Variants in RSPO3 observed in about 807,000 individuals in gnomAD.
RSPO3 encodes the protein R-spondin-3.
Under a neutral mutation model 36.5 loss-of-function variants are expected in RSPO3, and 17 were observed. The ratio of observed to expected loss-of-function variants is 0.47; its 90% CI spans 0.32 to 0.70. The LOEUF (loss-of-function observed/expected upper bound fraction) is 0.70. RSPO3 is among the 30% of genes least tolerant of loss of function. RSPO3 has a pLI of 0.04. For synonymous variants in RSPO3, 108 were observed against 107.0 expected, an observed-to-expected ratio of 1.01 and a Z score of -0.06; for missense variants, 294 against 322.5, an observed-to-expected ratio of 0.91 and a Z score of 0.68.
At chr6:127,187,124 G>A (rs1374884357) in intron 4 of RSPO3, among the ~76,000 whole-genome samples, 1 of 152,142 alleles carries the variant, frequency 6.6e-6, no homozygotes, top group Non-Finnish European at 1.5e-5. Flanking sequence ...TGGTGAGATG[G>A]GGACAGGGTA....
chr6:127,181,866 AT>A (rs1197024949), intron 4 of RSPO3, among the ~76,000 whole-genome samples: 2 of 151,860 alleles, frequency 1.3e-5, no homozygotes, highest in African/African-American at 4.8e-5. Context: ...GTCTCAGTAC[AT>A]TTTTGTATTG....
chr6:127,180,585 A>T (rs1022889442), intron 4 of RSPO3, among the ~76,000 whole-genome samples: 1 of 150,202 alleles, frequency 6.7e-6, no homozygotes. Context: ...AATGAGGATA[A>T]AGAAGGAATG....
At chr6:127,164,171 T>C (rs1317202773) in intron 4 of RSPO3, among the ~76,000 whole-genome samples, 1 of 152,062 alleles carries the variant, frequency 6.6e-6, no homozygotes, top group Non-Finnish European at 1.5e-5. Flanking sequence ...CTACTTTGAA[T>C]CACTGTGGCA....
At chr6:127,173,891 A>C (rs1398596637) in intron 4 of RSPO3, among the ~76,000 whole-genome samples, 4 of 151,944 alleles carry the variant, frequency 2.6e-5, no homozygotes, top group African/African-American at 7.2e-5. Flanking sequence ...TTGTAGTTTA[A>C]CTTTGGAAGC....
intron 4 of RSPO3, among the ~76,000 whole-genome samples, chr6:127,183,424 C>T (rs1463653073): frequency 1.3e-5 from 2 of 151,898 alleles, no homozygotes; most frequent in Non-Finnish European, 2.9e-5. Context: ...AGCTAACTGG[C>T]TGAGTACTCT....
At chr6:127,144,643 G>GTTTTTTCTTTTTTTT (rs1774344031) in intron 1 of RSPO3, among the ~76,000 whole-genome samples, 1 of 99,130 alleles carries the variant, frequency 1.0e-5, no homozygotes, top group Non-Finnish European at 2.0e-5. Flanking sequence ...GCTTCCCCTT[G>GTTTTTTCTTTTTTTT]TTTTTTTTTT....
intron 1 of RSPO3, among the ~76,000 whole-genome samples, chr6:127,129,171 A>T (rs1774000488): frequency 6.6e-6 from 1 of 152,084 alleles, no homozygotes; most frequent in Non-Finnish European, 1.5e-5. Context: ...ACGACTATAA[A>T]TAGCACAGTT....
chr6:127,158,001 C>T (rs1774627865), intron 4 of RSPO3, among the ~76,000 whole-genome samples: 1 of 150,746 alleles, frequency 6.6e-6, no homozygotes, highest in Non-Finnish European at 1.5e-5. Context: ...TTCATTTAGG[C>T]TCTACTGTAT....
At chr6:127,179,915 T>A (rs1188242697) in intron 4 of RSPO3, among the ~76,000 whole-genome samples, 1 of 151,884 alleles carries the variant, frequency 6.6e-6, no homozygotes, top group Non-Finnish European at 1.5e-5. Flanking sequence ...TTTCCACTTT[T>A]AAGGACTCAT....
chr6:127,131,537 T>A (rs1025820034), intron 1 of RSPO3, among the ~76,000 whole-genome samples: 4 of 152,138 alleles, frequency 2.6e-5, no homozygotes, highest in Non-Finnish European at 4.4e-5. Flanking sequence ...GATTTTCCAG[T>A]GCAGGATATT....
Position 127,130,642 on chromosome 6 carries a change from A to C in RSPO3, c.97+11353A>C, listed in dbSNP as rs111674391. On this transcript the variant is annotated intron_variant, in intron 1 of 4. Transcript: ENST00000356698. Reference sequence around the variant, plus strand: ...TAAATTGACAATAAGATAACCAAAGAATAGAAGAATCCTAATTTTGGAAAA... The same window carrying C: ...TAAATTGACAATAAGATAACCAAAGCATAGAAGAATCCTAATTTTGGAAAA... Among the ~76,000 whole-genome samples the C allele has an allele frequency of 1.2e-3, 187 of 152,202 alleles. 1 individual carries two copies. The highest frequency in any genetic ancestry group is 4.4e-3 in the African/African-American group (183 of 41,534).
At chr6:127,128,144 T>C (rs891278721) in intron 1 of RSPO3, among the ~76,000 whole-genome samples, 7 of 152,116 alleles carry the variant, frequency 4.6e-5, no homozygotes, top group African/African-American at 1.4e-4. Context: ...AATCCTTCTA[T>C]GTAATTTACA....
chr6:127,167,269 T>A lies in RSPO3; in HGVS notation c.634+11831T>A, dbSNP rs539586714. ...AGCATCCATTAATTATTCTTCCTGA[T>A]GCTCTCCCTTCCCCTGGCCCCAACA... On this transcript the variant is annotated intron_variant, in intron 4 of 4. Coordinates refer to ENST00000356698, the MANE Select transcript of RSPO3 (RefSeq NM_032784.5). Among the ~76,000 whole-genome samples the A allele has an allele frequency of 3.9e-5, 6 of 152,070 alleles. No individual in the cohort carries two copies. The South Asian group carries it at 1.2e-3, about 32-fold the overall frequency.
rs748320992 is a variant in RSPO3, at chr6:127,119,148, A to T, written c.-45A>T. 34 of 1,379,138 alleles carry T rather than the reference A, an allele frequency of 2.5e-5. No individual in the cohort carries two copies. Among genetic ancestry groups the T allele is most frequent in the Admixed American group, 1.9e-4 (11 of 56,416 alleles). 85.4% of individuals were successfully genotyped at this position (1,379,138 alleles called of 1,614,324 possible). A position where few individuals can be genotyped will look rare whatever the true frequency, so the allele number is the denominator to read the frequency against. ...TTAAAAACATTAAATATAATTAACA[A>T]TCAAAAGAAAGAGGAGAAAGGAAGG... On this transcript the variant is annotated 5_prime_UTR_variant, in exon 1 of 5. Coordinates refer to ENST00000356698, the MANE Select transcript of RSPO3 (RefSeq NM_032784.5).
intron 1 of RSPO3, among the ~76,000 whole-genome samples, chr6:127,134,800 T>C (rs553404549): frequency 6.6e-6 from 1 of 152,292 alleles, no homozygotes; most frequent in South Asian, 2.1e-4. Flanking sequence ...TTCCATTTTA[T>C]AAATAAAGAA....
intron 1 of RSPO3, among the ~76,000 whole-genome samples, chr6:127,134,530 C>G (rs1470704166): frequency 1.3e-5 from 2 of 152,190 alleles, no homozygotes; most frequent in Non-Finnish European, 2.9e-5. Flanking sequence ...AGTCAATCTA[C>G]TTAAAGCACC....
intron 4 of RSPO3, chr6:127,192,698 C>A: frequency 4.1e-6 from 4 of 985,134 alleles, no homozygotes; most frequent in Non-Finnish European, 4.8e-6. Context: ...GTTCCAAAAC[C>A]CAGTTCAGGC....
intron 1 of RSPO3, among the ~76,000 whole-genome samples, chr6:127,142,878 A>G (rs754130884): frequency 1.3e-5 from 2 of 151,624 alleles, no homozygotes; most frequent in Non-Finnish European, 2.9e-5. Context: ...GTGCAATGGT[A>G]CAGTCTTGGC....
intron 1 of RSPO3, among the ~76,000 whole-genome samples, chr6:127,131,852 C>T (rs1458008452): frequency 3.3e-5 from 5 of 152,062 alleles, no homozygotes; most frequent in East Asian, 1.9e-4. Flanking sequence ...ACTTCTTGTA[C>T]AAATTTCTTT....
Sources: allele counts gnomAD v4.1 joint callset (sites outside exome capture counted in the v4.1 genomes callset), GRCh38; gene constraint gnomAD v4.1.1; transcripts MANE v1.5; gene names NCBI Gene and HGNC (gene_info 2026-07-23, HGNC 2026-07-21).